The following RPAP2 variants were observed in gnomAD, a reference collection of about 807,000 sequenced individuals.
The protein encoded by RPAP2 is putative RNA polymerase II subunit B1 CTD phosphatase RPAP2.
Under a neutral mutation model 73.1 loss-of-function variants are expected in RPAP2, and 52 were observed. The ratio of observed to expected loss-of-function variants is 0.71; its 90% CI spans 0.57 to 0.90. The LOEUF (loss-of-function observed/expected upper bound fraction) is 0.90. RPAP2 is among the 40% of genes least tolerant of loss of function. The pLI, the probability that RPAP2 is intolerant of heterozygous loss-of-function variation, is 0.00. For missense variants in RPAP2, 598 were observed against 701.8 expected (o/e 0.85, Z 1.67); for synonymous variants, 225 against 242.1 (o/e 0.93, Z 0.65).
At chr1:92,322,268 T>C (rs1652321939) in intron 7 of RPAP2, among the ~76,000 whole-genome samples, 1 of 151,668 alleles carries the variant, frequency 6.6e-6, no homozygotes, top group African/African-American at 2.4e-5. Flanking sequence ...AGAAAAACTT[T>C]TTTTAAAAAG....
At chr1:92,332,510 T>C (rs1011692425) in intron 8 of RPAP2, among the ~76,000 whole-genome samples, 5 of 152,150 alleles carry the variant, frequency 3.3e-5, no homozygotes, top group African/African-American at 1.2e-4. Flanking sequence ...ATATTAAAAA[T>C]TACAGAGATA....
At position 92,401,217 on chromosome 1, in the gene RPAP2, T is replaced by G. The variant is rs1367388971; in HGVS notation, c.*14206T>G. 6.6e-6 allele frequency: 1 copy of G among 152,226 alleles called. No individual in the cohort carries two copies. Among genetic ancestry groups the G allele is most frequent in the Non-Finnish European group, 1.5e-5 (1 of 68,042 alleles). 9.4% of individuals were successfully genotyped at this position (152,226 alleles called of 1,614,324 possible). ...CCGGACCATATCAGAGAGAAAGCTA[T>G]TACTGAAGACCTTTCTAACTCACTT... On this transcript the variant is annotated 3_prime_UTR_variant, in exon 13 of 13. Transcript: ENST00000610020.
intron 12 of RPAP2, 59 bp downstream of exon 12, chr1:92,380,932 CTTTTT>C: frequency 9.1e-7 from 1 of 1,096,892 alleles, no homozygotes; most frequent in Admixed American, 3.3e-5. Context: ...TATGTGGATT[CTTTTT>C]TTTTTTAATT....
At chr1:92,314,378 C>T (rs1231839437) in intron 6 of RPAP2, among the ~76,000 whole-genome samples, 13 of 148,252 alleles carry the variant, frequency 8.8e-5, no homozygotes, top group African/African-American at 3.3e-4. Flanking sequence ...TTTAGTAGTG[C>T]ATTTTATTTA....
intron 11 of RPAP2, 89 bp downstream of exon 11, chr1:92,346,003 C>A: frequency 1.1e-6 from 1 of 914,750 alleles, no homozygotes; most frequent in Non-Finnish European, 1.7e-6. Flanking sequence ...ATTTTGTAAA[C>A]TGCCTTGGAA....
intron 10 of RPAP2, among the ~76,000 whole-genome samples, chr1:92,341,228 C>T (rs896520253): frequency 2.6e-5 from 4 of 152,006 alleles, no homozygotes; most frequent in African/African-American, 4.8e-5. Flanking sequence ...AGGCTGGTCT[C>T]GAACTCCTGA....
At chr1:92,357,290 A>C (rs987932362) in intron 11 of RPAP2, among the ~76,000 whole-genome samples, 1 of 152,204 alleles carries the variant, frequency 6.6e-6, no homozygotes, top group Non-Finnish European at 1.5e-5. Context: ...TGAATGTGTT[A>C]AATGCCAAAA....
rs1382588084 is a variant in RPAP2, at chr1:92,323,784, T to C, written c.864T>C (p.Cys288=). Residue 288 remains cysteine (C), a synonymous_variant, in exon 8 of 13, where the codon TGT becomes TGC. Transcript: ENST00000610020. ...KLDSQEKDAT[C]ELPLQKVNTQ... is the part of the protein sequence containing the mutation. ...ATAGTCAGGAGAAAGATGCTACATG[T>C]GAACTTCCTTTACAGAAAGTAAATA... 1 of 1,613,984 alleles carries C rather than the reference T, an allele frequency of 6.2e-7. No homozygotes were observed. The highest frequency in any genetic ancestry group is 8.5e-7 in the Non-Finnish European group (1 of 1,179,984).
chr1:92,329,308 G>A (rs1652827512), intron 8 of RPAP2, among the ~76,000 whole-genome samples: 1 of 152,188 alleles, frequency 6.6e-6, no homozygotes, highest in Non-Finnish European at 1.5e-5. Context: ...CAGGCCAATG[G>A]AGTTATGTTC....
Position 92,299,115 on chromosome 1 carries a change from C to T in RPAP2, c.42C>T (p.Ala14=), listed in dbSNP as rs529594517. The change falls in exon 1 of 13, where the codon GCC becomes GCT. Residue 14 remains alanine (A), a synonymous_variant. Coordinates refer to ENST00000610020, the MANE Select transcript of RPAP2 (RefSeq NM_024813.3). ...GGCCGTCTTCTGCCGGCCGCAAGGC[C>T]GGGGCTCCCCGCTGCTCTCGAAAAG... The part of the protein sequence containing the change: ...FAGPSSAGRK[A]GAPRCSRKAA... 35 of 1,521,548 alleles carry T rather than the reference C, an allele frequency of 2.3e-5. No homozygotes were observed. In the African/African-American group the frequency reaches 4.2e-4, roughly 18 times the overall value. The allele number at this position is 1,521,548 out of a possible 1,614,324, so 94.3% of individuals were successfully genotyped here.
At chr1:92,352,638 T>C (rs1028490103) in intron 11 of RPAP2, among the ~76,000 whole-genome samples, 3 of 152,224 alleles carry the variant, frequency 2.0e-5, no homozygotes, top group African/African-American at 7.2e-5. Context: ...TTTTTTATAT[T>C]TCCTTACAAC....
chr1:92,332,361 A>G (rs1653019624), intron 8 of RPAP2, among the ~76,000 whole-genome samples: 1 of 151,950 alleles, frequency 6.6e-6, no homozygotes, highest in African/African-American at 2.4e-5. Flanking sequence ...TCAACCTCAT[A>G]ATTTTTCTTT....
At position 92,351,305 on chromosome 1, in the gene RPAP2, C is replaced by CAAAAAAAAAAAAAAAAA. The variant is rs60111119; in HGVS notation, c.1688+5398_1688+5414dup. On this transcript the variant is annotated intron_variant, in intron 11 of 12. Coordinates refer to ENST00000610020, the MANE Select transcript of RPAP2 (RefSeq NM_024813.3). ...CTGGTGACCGAGTGAGACTCTGTCT[C>CAAAAAAAAAAAAAAAAA]AAAAAAAAAAAAAAAAAAAAAAAGA... Among the ~76,000 whole-genome samples the CAAAAAAAAAAAAAAAAA allele has an allele frequency of 6.6e-4, 57 of 86,832 alleles. 1 individual carries two copies. The highest frequency in any genetic ancestry group is 2.3e-3 in the African/African-American group (55 of 23,824). 57.0% of individuals were successfully genotyped at this position (86,832 alleles called of 152,430 possible). A position where few individuals can be genotyped will look rare whatever the true frequency, so the allele number is the denominator to read the frequency against.
intron 11 of RPAP2, among the ~76,000 whole-genome samples, chr1:92,364,844 A>G (rs1654875521): frequency 6.6e-6 from 1 of 152,122 alleles, no homozygotes; most frequent in Non-Finnish European, 1.5e-5. Context: ...TTTAAAAATC[A>G]TCTCACTGAA....
At chr1:92,343,965 G>C (rs531889845) in intron 10 of RPAP2, among the ~76,000 whole-genome samples, 77 of 152,292 alleles carry the variant, frequency 5.1e-4, no homozygotes, top group Non-Finnish European at 8.7e-4. Context: ...CATGAAGTCA[G>C]TCCCCTTTGT....
chr1:92,324,309 C>T lies in RPAP2; in HGVS notation c.1389C>T (p.Ile463=). ...KKETEKLNLR[I]REFYRGRYVL... is the part of the protein sequence containing the mutation. Reference sequence around the variant, plus strand: ...AAACTGAAAAGTTAAATCTGAGGATCAGGGAGTTTTACAGAGGACGGTATG... The same window carrying T: ...AAACTGAAAAGTTAAATCTGAGGATTAGGGAGTTTTACAGAGGACGGTATG... The change falls in exon 8 of 13, where the codon ATC becomes ATT. Residue 463 remains isoleucine (I), a synonymous_variant. Coordinates refer to ENST00000610020, the MANE Select transcript of RPAP2 (RefSeq NM_024813.3). 1.2e-6 allele frequency: 2 copies of T among 1,613,976 alleles called. No homozygotes were observed. Among genetic ancestry groups the T allele is most frequent in the Non-Finnish European group, 1.7e-6 (2 of 1,179,948 alleles).
At chr1:92,331,818 T>A (rs1652988001) in intron 8 of RPAP2, among the ~76,000 whole-genome samples, 1 of 152,176 alleles carries the variant, frequency 6.6e-6, no homozygotes, top group Non-Finnish European at 1.5e-5. Context: ...CTTCTCTTAG[T>A]ATCAGTTGAT....
chr1:92,381,399 C>T (rs542908295), intron 12 of RPAP2, among the ~76,000 whole-genome samples: 1 of 152,160 alleles, frequency 6.6e-6, no homozygotes, highest in East Asian at 1.9e-4. Flanking sequence ...TATCCCAAAC[C>T]CTTCCCTCTT....
chr1:92,361,047 A>G (rs897386499), intron 11 of RPAP2, among the ~76,000 whole-genome samples: 7 of 151,510 alleles, frequency 4.6e-5, no homozygotes, highest in Admixed American at 2.0e-4. Context: ...TTTTAGGAAC[A>G]TAAACATGTA....
Sources: allele counts gnomAD v4.1 joint callset (sites outside exome capture counted in the v4.1 genomes callset), GRCh38; gene constraint gnomAD v4.1.1; transcripts MANE v1.5; gene names NCBI Gene and HGNC (gene_info 2026-07-23, HGNC 2026-07-21).